PAQR6: variants seen among roughly 807,000 people sequenced by gnomAD.
The protein encoded by PAQR6 is membrane progestin receptor delta.
A neutral mutation model predicts 36.2 loss-of-function variants in PAQR6; 34 were observed. The ratio of observed to expected loss-of-function variants is 0.94; its 90% confidence interval spans 0.71 to 1.25. PAQR6 has a LOEUF of 1.25. Ranked by LOEUF, PAQR6 falls within the 50% of genes most tolerant of loss-of-function variation. PAQR6 has a pLI of 0.00. For synonymous variants in PAQR6, 190 were observed against 190.7 expected (o/e 1.00, Z 0.03); for missense variants, 431 against 445.7 (o/e 0.97, Z 0.30).
In PAQR6 at chr1:156,243,928, C is replaced by A. The variant is rs534077827; in HGVS notation, c.*201G>T. 1 of 1,613,958 alleles carries A rather than the reference C, an allele frequency of 6.2e-7. No homozygotes were observed. ...ACTTCTTCCACTCCCATCAAGAGCC[C>A]CCTCACGGTCCCTCTCACACTCTGC... On this transcript the variant is annotated 3_prime_UTR_variant, in exon 8 of 8. Transcript: ENST00000292291.
intron 3 of PAQR6, 33 bp downstream of exon 3, chr1:156,246,090 A>C (rs555946949): frequency 1.2e-6 from 2 of 1,607,620 alleles, no homozygotes; most frequent in South Asian, 2.2e-5. Context: ...CTCTGAGCTC[A>C]AGGCCGCGGC....
chr1:156,244,156 C>A lies in PAQR6; in HGVS notation c.1008G>T (p.Glu336Asp). 1 of 1,605,210 alleles carries A rather than the reference C, an allele frequency of 6.2e-7. No individual in the cohort carries two copies. Among genetic ancestry groups the A allele is most frequent in the Non-Finnish European group, 8.5e-7 (1 of 1,173,046 alleles). The change falls in exon 8 of 8, where the codon GAG becomes GAT. Residue 336 changes from glutamate (E) to aspartate (D), a missense_variant. Glu to Asp is a conservative substitution (Grantham distance 45). Coordinates refer to ENST00000292291, the MANE Select transcript of PAQR6 (RefSeq NM_198406.3). ...TCPLLQGGPL[E>D]GGTQAKQQ The stretch of plus-strand genomic sequence containing the variant: ...ACTGTTGTTTGGCCTGGGTACCCCC[C>A]TCCAGTGGGCCACCCTGCAGCAGAG...
intron 6 of PAQR6, 54 bp from the exon 7 acceptor site, chr1:156,244,965 G>A (rs1383596526): frequency 1.9e-5 from 30 of 1,598,416 alleles, no homozygotes; most frequent in Middle Eastern, 2.0e-4. Flanking sequence ...CGAAACATGG[G>A]GTGTGTCTGG....
rs773654731 is a variant in PAQR6 at position 156,246,256 on chromosome 1, G to T, written c.52-6C>A. 8.7e-6 allele frequency: 14 copies of T among 1,606,640 alleles called. No individual in the cohort carries two copies. The highest frequency in any genetic ancestry group is 1.1e-5 in the South Asian group (1 of 90,876). ...ATGCCATCTTCCCAGAACACCTAGG[G>T]TAGTGGTGGGAGAGGAAGGGCGTCA... On this transcript the variant is annotated splice_region_variant and splice_polypyrimidine_tract_variant and intron_variant, in intron 2 of 7. Coordinates refer to ENST00000292291, the MANE Select transcript of PAQR6 (RefSeq NM_198406.3).
chr1:156,245,681 T>C lies in PAQR6; in HGVS notation c.386-20A>G, dbSNP rs1332804638. 6.2e-7 allele frequency: 1 copy of C among 1,609,264 alleles called. No homozygotes were observed. The highest frequency in any genetic ancestry group is 2.2e-5 in the East Asian group (1 of 44,744). On this transcript the variant is annotated intron_variant, in intron 4 of 7. Transcript: ENST00000292291. ...CGCAGCCTGCGGTGAGGTGGGGGCG[T>C]GCAGCTGAGGCCTGAGGGGCGCGCC...
chr1:156,247,121 C>G lies in PAQR6; in HGVS notation c.-25-365G>C, dbSNP rs1209493796. 3.3e-5 allele frequency among the ~76,000 whole-genome samples: 5 copies of G among 152,336 alleles called. No individual in the cohort carries two copies. In the East Asian group the frequency reaches 9.7e-4, roughly 29 times the overall value. ...CTCCTGGAGGCCAGCACAGAGACAG[C>G]CTGAGTACCACTCCCTTTCCCACCA... On this transcript the variant is annotated intron_variant, in intron 1 of 7. Coordinates refer to ENST00000292291, the MANE Select transcript of PAQR6 (RefSeq NM_198406.3).
rs903638482 is a variant in PAQR6, at chr1:156,243,379, G to A, written c.*750C>T. On this transcript the variant is annotated 3_prime_UTR_variant, in exon 8 of 8. Coordinates refer to ENST00000292291, the MANE Select transcript of PAQR6 (RefSeq NM_198406.3). ...TGGGAGGGAGGTGTCAGGAGGATGG[G>A]GGTGAGGAGGTTTTACCTTCTTCAG... is the stretch of plus-strand genomic sequence containing the variant. 1 of 743,064 alleles carries A rather than the reference G, an allele frequency of 1.3e-6. No individual in the cohort carries two copies. Among genetic ancestry groups the A allele is most frequent in the South Asian group, 2.1e-5 (1 of 47,594 alleles). The allele number at this position is 743,064 out of a possible 1,614,324, so 46.0% of individuals were successfully genotyped here.
rs750726845 is a variant in PAQR6 at position 156,244,074 on chromosome 1, G to A, written c.*55C>T. The A allele has an allele frequency of 8.1e-6, 13 of 1,613,404 alleles. No homozygotes were observed. Among genetic ancestry groups the A allele is most frequent in the South Asian group, 7.7e-5 (7 of 91,016 alleles). On this transcript the variant is annotated 3_prime_UTR_variant, in exon 8 of 8. Transcript: ENST00000292291. ...GATTAGGCCCAAATCTGGGCTCCTC[G>A]TCAGCACTGGGGCCTGGCCTCTGCC...
In PAQR6 at chr1:156,245,177, G is replaced by C. The variant is rs756910319; in HGVS notation, c.574C>G (p.Pro192Ala). The C allele has an allele frequency of 1.7e-5, 27 of 1,614,136 alleles. No homozygotes were observed. Among genetic ancestry groups the C allele is most frequent in the Non-Finnish European group, 2.2e-5 (26 of 1,180,026 alleles). The part of the protein sequence containing the change: ...KVLRTGAFAY[P>A]FLFDNLPLFY... Reference sequence around the variant, plus strand: ...AGTGGGAGGTTGTCGAACAGGAATGGATAGGCGAAGGCTCCTGTGCGGAGG... The same window carrying C: ...AGTGGGAGGTTGTCGAACAGGAATGCATAGGCGAAGGCTCCTGTGCGGAGG... Residue 192 changes from proline (P) to alanine (A), a missense_variant, in exon 6 of 8, where the codon CCA becomes GCA. Physicochemically the swap from Pro to Ala is conservative, Grantham distance 27. Transcript: ENST00000292291.
chr1:156,244,291 A>T lies in PAQR6; in HGVS notation c.873T>A (p.Pro291=). 1 of 1,613,440 alleles carries T rather than the reference A, an allele frequency of 6.2e-7. No individual in the cohort carries two copies. Among genetic ancestry groups the T allele is most frequent in the Non-Finnish European group, 8.5e-7 (1 of 1,179,946 alleles). The stretch of plus-strand genomic sequence containing the variant: ...CCACTGTGCCTGCCAGGCCCAGGGC[A>T]GGTTCCTGTGTGGCCAGCCAGGCTC... ...SRRAWLATQE[P]ALGLAGTVAT... is the part of the protein sequence containing the mutation. The change falls in exon 8 of 8, where the codon CCT becomes CCA. Residue 291 remains proline (P), a synonymous_variant. Transcript: ENST00000292291.
Position 156,244,989 on chromosome 1 carries a change from C to T in PAQR6, c.610-78G>A, listed in dbSNP as rs181264741. On this transcript the variant is annotated intron_variant, in intron 6 of 7. Transcript: ENST00000292291. ...GGGTGTGTCTGGGATCTGGTGAGGACGCAGAGCGGGCGGGCACAGCTAGGC... is the reference window on the plus strand; with the variant it reads ...GGGTGTGTCTGGGATCTGGTGAGGATGCAGAGCGGGCGGGCACAGCTAGGC... 1,781 of 1,593,420 alleles carry T rather than the reference C, an allele frequency of 1.1e-3. 2 individuals carry two copies. The highest frequency in any genetic ancestry group is 1.4e-3 in the Non-Finnish European group (1,633 of 1,170,600).
rs1417411745 is a variant in PAQR6 at position 156,245,159 on chromosome 1, G to C, written c.592C>G (p.Leu198Val). 2.5e-6 allele frequency: 4 copies of C among 1,614,018 alleles called. No homozygotes were observed. The highest frequency in any genetic ancestry group is 3.4e-6 in the Non-Finnish European group (4 of 1,179,948). The change falls in exon 6 of 8, where the codon CTC (leucine) becomes GTC (valine). Residue 198 changes from leucine to valine, a missense_variant. Coordinates refer to ENST00000292291, the MANE Select transcript of PAQR6 (RefSeq NM_198406.3). Reference sequence around the variant, plus strand: ...CTCCTTACCCGATAAAAGAGTGGGAGGTTGTCGAACAGGAATGGATAGGCG... The same window carrying C: ...CTCCTTACCCGATAAAAGAGTGGGACGTTGTCGAACAGGAATGGATAGGCG... ...AFAYPFLFDNLPLFYRLGLCW... is the reference protein window; with the variant it reads ...AFAYPFLFDNVPLFYRLGLCW...
chr1:156,246,821 G>T, intron 1 of PAQR6, 65 bp from the exon 2 acceptor site: 1 of 1,398,808 alleles, frequency 7.1e-7, no homozygotes, highest in South Asian at 1.3e-5. Context: ...CTTTCACCTG[G>T]GTTCAGCCGC....
chr1:156,245,161 T>A lies in PAQR6; in HGVS notation c.590A>T (p.Asn197Ile). ...CCTTACCCGATAAAAGAGTGGGAGG[T>A]TGTCGAACAGGAATGGATAGGCGAA... Reference protein sequence around the residue: ...GAFAYPFLFDNLPLFYRLGLC... With the variant: ...GAFAYPFLFDILPLFYRLGLC... Residue 197 changes from asparagine (N) to isoleucine (I), a missense_variant, in exon 6 of 8, where the codon AAC becomes ATC. Physicochemically the swap from Asn to Ile is moderately radical, Grantham distance 149. Transcript: ENST00000292291. 1 of 1,613,460 alleles carries A rather than the reference T, an allele frequency of 6.2e-7. No homozygotes were observed. The highest frequency in any genetic ancestry group is 1.1e-5 in the South Asian group (1 of 91,044).
At position 156,245,123 on chromosome 1, in the gene PAQR6, G is replaced by C; in HGVS notation, c.609+19C>G. On this transcript the variant is annotated intron_variant, in intron 6 of 7. Coordinates refer to ENST00000292291, the MANE Select transcript of PAQR6 (RefSeq NM_198406.3). Reference sequence around the variant, plus strand: ...GACAGGAAAGCAGGAGTCTGGGCAGGGGCCCTAGGCCTCCTTACCCGATAA... The same window carrying C: ...GACAGGAAAGCAGGAGTCTGGGCAGCGGCCCTAGGCCTCCTTACCCGATAA... 1.9e-6 allele frequency: 3 copies of C among 1,609,846 alleles called. No individual in the cohort carries two copies. Among genetic ancestry groups the C allele is most frequent in the Non-Finnish European group, 2.5e-6 (3 of 1,176,754 alleles).
Position 156,245,166 on chromosome 1 carries a change from G to T in PAQR6, c.585C>A (p.Phe195Leu), listed in dbSNP as rs940853831. ...CCCGATAAAAGAGTGGGAGGTTGTC[G>T]AACAGGAATGGATAGGCGAAGGCTC... ...RTGAFAYPFL[F>L]DNLPLFYRLG... Residue 195 changes from phenylalanine (F) to leucine (L), a missense_variant, in exon 6 of 8, where the codon TTC becomes TTA. By Grantham distance (22) the Phe-to-Leu change is conservative. Transcript: ENST00000292291. 2.5e-6 allele frequency: 4 copies of T among 1,613,896 alleles called. No individual in the cohort carries two copies. The highest frequency in any genetic ancestry group is 2.2e-5 in the South Asian group (2 of 91,062).
Position 156,245,900 on chromosome 1 carries a change from C to T in PAQR6, c.267G>A (p.Leu89=). The change falls in exon 4 of 8, where the codon CTG becomes CTA. Residue 89 remains leucine, a synonymous_variant. Transcript: ENST00000292291. ...ACGCGAAGGGGTAGAGGCAGGCGGG[C>T]AGCAGGAAGACCAGCAGCGGCCAGT... The part of the protein sequence containing the change: ...PYHWPLLVFL[L]PACLYPFASC... 1 of 1,581,906 alleles carries T rather than the reference C, an allele frequency of 6.3e-7. No individual in the cohort carries two copies. The highest frequency in any genetic ancestry group is 8.6e-7 in the Non-Finnish European group (1 of 1,165,388).
rs1378630924 is a variant in PAQR6, at chr1:156,245,790, T to C, written c.377A>G (p.Tyr126Cys). The C allele has an allele frequency of 2.5e-6, 4 of 1,597,846 alleles. No individual in the cohort carries two copies. Among genetic ancestry groups the C allele is most frequent in the Admixed American group, 1.8e-5 (1 of 56,956 alleles). The change falls in exon 4 of 8, where the codon TAC (tyrosine) becomes TGC (cysteine). Residue 126 changes from tyrosine (Y) to cysteine (C), a missense_variant. Physicochemically the swap from Tyr to Cys is radical, Grantham distance 194. Transcript: ENST00000292291. ...YFLDYGALSL[Y>C]SLGCAFPYAA... Reference sequence around the variant, plus strand: ...GCGCCTGTCCGGCTCACCCAGACTGTAGAGGCTGAGCGCGCCGTAGTCGAG... The same window carrying C: ...GCGCCTGTCCGGCTCACCCAGACTGCAGAGGCTGAGCGCGCCGTAGTCGAG...
chr1:156,245,506 G>A (rs539013401), intron 5 of PAQR6, 29 bp downstream of exon 5: 3 of 1,610,992 alleles, frequency 1.9e-6, no homozygotes, highest in Non-Finnish European at 2.5e-6. Flanking sequence ...CGCCTTCCCC[G>A]TCCCCACTGG....
Sources: gnomAD v4.1 joint callset for allele counts (sites outside exome capture counted in the v4.1 genomes callset) on GRCh38, gnomAD v4.1.1 for gene constraint, MANE v1.5 for transcripts, NCBI Gene and HGNC (gene_info 2026-07-23, HGNC 2026-07-21) for gene names.